Variants in DROSHA observed in about 807,000 individuals in gnomAD.
The protein encoded by DROSHA is ribonuclease 3.
A neutral mutation model predicts 181.9 loss-of-function variants in DROSHA; 56 were observed. The observed-to-expected ratio is 0.31, with a 90% CI of 0.25 to 0.38. The LOEUF is 0.38. Ranked by LOEUF, DROSHA falls within the 10% of genes least tolerant of loss-of-function variation. DROSHA has a pLI of 1.00. For synonymous variants in DROSHA, 524 were observed against 591.2 expected (o/e 0.89, Z 1.65); for missense variants, 1,218 against 1,743.5 (o/e 0.70, Z 5.37).
At chr5:31,528,632 C>T (rs1419520543) in intron 4 of DROSHA, among the ~76,000 whole-genome samples, 1 of 152,238 alleles carries the variant, frequency 6.6e-6, no homozygotes, top group Admixed American at 6.5e-5. Flanking sequence ...TCACCTCTTA[C>T]ATGGCTATTA....
At chr5:31,462,315 G>T (rs1169767746) in intron 20 of DROSHA, among the ~76,000 whole-genome samples, 3 of 152,098 alleles carry the variant, frequency 2.0e-5, no homozygotes, top group Non-Finnish European at 2.9e-5. Context: ...ATGGAAGCAT[G>T]GCTTCTAAAC....
At chr5:31,468,494 T>G (rs528785058) in intron 17 of DROSHA, among the ~76,000 whole-genome samples, 2 of 152,370 alleles carry the variant, frequency 1.3e-5, no homozygotes, top group South Asian at 4.1e-4. Flanking sequence ...TCAGTGGATC[T>G]TATGTATTCC....
At chr5:31,410,653 C>A in intron 31 of DROSHA, 93 bp downstream of exon 31, 7 of 1,460,164 alleles carry the variant, frequency 4.8e-6, no homozygotes, top group Admixed American at 2.4e-5. Flanking sequence ...TTTCTTTAGC[C>A]AGAACATAAT....
chr5:31,405,550 A>G, intron 35 of DROSHA, 127 bp downstream of exon 35: 1 of 877,100 alleles, frequency 1.1e-6, no homozygotes. Flanking sequence ...TCTCTGTGTA[A>G]AGAATAATTC....
chr5:31,500,220 CCAACTGGGGA>C, intron 11 of DROSHA, among the ~76,000 whole-genome samples: 1 of 152,266 alleles, frequency 6.6e-6, no homozygotes, highest in South Asian at 2.1e-4. Flanking sequence ...TTTCAGGGCC[CCAACTGGGGA>C]GGTGCTGGAA....
intron 26 of DROSHA, among the ~76,000 whole-genome samples, chr5:31,430,513 T>C (rs1399811969): frequency 6.6e-6 from 1 of 152,206 alleles, no homozygotes; most frequent in Non-Finnish European, 1.5e-5. Flanking sequence ...AGGTAAGTGA[T>C]ACTATCTCCA....
At chr5:31,510,888 C>T in intron 9 of DROSHA, 147 bp downstream of exon 9, 1 of 968,822 alleles carries the variant, frequency 1.0e-6, no homozygotes, top group South Asian at 1.9e-5. Flanking sequence ...GGAAGTTCTA[C>T]TGCTATGTAT....
At chr5:31,462,098 C>A (rs1748473876) in intron 20 of DROSHA, among the ~76,000 whole-genome samples, 1 of 152,110 alleles carries the variant, frequency 6.6e-6, no homozygotes, top group African/African-American at 2.4e-5. Flanking sequence ...GCATTTCCTT[C>A]TCTTCCGCTT....
At chr5:31,483,477 G>T in intron 16 of DROSHA, 77 bp downstream of exon 16, 1 of 1,450,544 alleles carries the variant, frequency 6.9e-7, no homozygotes. Flanking sequence ...AGTTGTCCCT[G>T]AAGACTGAAA....
At chr5:31,483,158 T>C (rs963809276) in intron 16 of DROSHA, among the ~76,000 whole-genome samples, 1 of 152,210 alleles carries the variant, frequency 6.6e-6, no homozygotes, top group Non-Finnish European at 1.5e-5. Flanking sequence ...AAAATCACTA[T>C]AATCCTACTA....
chr5:31,489,404 G>A (rs554700192), intron 13 of DROSHA, among the ~76,000 whole-genome samples: 128 of 151,950 alleles, frequency 8.4e-4, no homozygotes, highest in Middle Eastern at 3.4e-3. Context: ...TTTCTTTTGG[G>A]CTTCCATCCA....
At chr5:31,499,868 T>A (rs780562780) in intron 11 of DROSHA, among the ~76,000 whole-genome samples, 6 of 152,108 alleles carry the variant, frequency 3.9e-5, no homozygotes, top group Admixed American at 2.0e-4. Context: ...GAGAAAAGAC[T>A]ATTAGAAACC....
At chr5:31,508,541 A>G in intron 10 of DROSHA, 80 bp downstream of exon 10, 7 of 1,586,494 alleles carry the variant, frequency 4.4e-6, no homozygotes, top group Non-Finnish European at 6.0e-6. Flanking sequence ...ATACTAGGCA[A>G]CATGTATCTT....
chr5:31,504,160 G>A (rs1490924537), intron 11 of DROSHA, among the ~76,000 whole-genome samples: 2 of 152,140 alleles, frequency 1.3e-5, no homozygotes, highest in Non-Finnish European at 2.9e-5. Flanking sequence ...ATTCAGTTTG[G>A]TGGAAAGGAC....
chr5:31,416,005 T>C (rs1234961081), intron 30 of DROSHA, among the ~76,000 whole-genome samples: 1 of 152,224 alleles, frequency 6.6e-6, no homozygotes, highest in African/African-American at 2.4e-5. Context: ...GTAGGCCTTT[T>C]GAATAGCCAA....
rs181856340 is a variant in DROSHA at position 31,478,379 on chromosome 5, G to A, written c.2071+5175C>T. 5.3e-5 allele frequency among the ~76,000 whole-genome samples: 8 copies of A among 152,318 alleles called. No homozygotes were observed. In the East Asian group the frequency reaches 1.3e-3, roughly 26 times the overall value. ...TTTGTGATGGGCCACATTCAAAGCC[G>A]TCCTGGGCCATATGTGGCCCATGGG... On this transcript the variant is annotated intron_variant, in intron 16 of 35. Transcript: ENST00000344624.
chr5:31,468,800 T>C (rs1312274925), intron 17 of DROSHA, among the ~76,000 whole-genome samples: 2 of 152,194 alleles, frequency 1.3e-5, no homozygotes, highest in South Asian at 4.1e-4. Context: ...AGATTCAGTT[T>C]TCACTAGCAC....
At chr5:31,472,428 A>G (rs1367036094) in intron 16 of DROSHA, among the ~76,000 whole-genome samples, 196 bp from the exon 17 acceptor site, 1 of 152,222 alleles carries the variant, frequency 6.6e-6, no homozygotes, top group Non-Finnish European at 1.5e-5. Context: ...AACAGTGCTC[A>G]TAAACCATCT....
chr5:31,520,456 T>C (rs543236648), intron 6 of DROSHA, among the ~76,000 whole-genome samples: 62 of 152,310 alleles, frequency 4.1e-4, no homozygotes, highest in African/African-American at 1.5e-3. Flanking sequence ...AATAATTATA[T>C]ACATAGTTAC....
Sources: gnomAD v4.1 joint callset for allele counts (sites outside exome capture counted in the v4.1 genomes callset) on GRCh38, gnomAD v4.1.1 for gene constraint, MANE v1.5 for transcripts, NCBI Gene and HGNC (gene_info 2026-07-23, HGNC 2026-07-21) for gene names.